TMEM178B: variants seen among roughly 807,000 people sequenced by gnomAD.
TMEM178B encodes transmembrane protein 178B.
TMEM178B carries 5 observed loss-of-function variants against 31.0 expected under a neutral mutation model. The ratio of observed to expected loss-of-function variants is 0.16; its 90% CI spans 0.08 to 0.34. The LOEUF is 0.34. Ranked by LOEUF, TMEM178B falls within the 10% of genes least tolerant of loss-of-function variation. The pLI, the probability that TMEM178B is intolerant of heterozygous loss-of-function variation, is 1.00. For synonymous variants in TMEM178B, 164 were observed against 164.0 expected, an observed-to-expected ratio of 1.00 and a Z score of 0.00; for missense variants, 275 against 400.3, an observed-to-expected ratio of 0.69 and a Z score of 2.67.
Position 141,425,841 on chromosome 7 carries a change from TGAG to T in TMEM178B, c.497-11758_497-11756del, listed in dbSNP as rs1161735138. Reference sequence around the variant, plus strand: ...CAATTCTCTGATCCGGAGGTAGGACTGAGGAGGAGGAAGTGTCAAGCCTGTCTT... The same window carrying T: ...CAATTCTCTGATCCGGAGGTAGGACTGAGGAGGAAGTGTCAAGCCTGTCTT... On this transcript the variant is annotated intron_variant, in intron 2 of 3. Transcript: ENST00000565468. Among the ~76,000 whole-genome samples the T allele has an allele frequency of 2.0e-5, 3 of 152,286 alleles. No homozygotes were observed. The East Asian group carries it at 5.8e-4, about 29-fold the overall frequency.
At chr7:141,360,189 G>A (rs1190366278) in intron 2 of TMEM178B, among the ~76,000 whole-genome samples, 1 of 152,150 alleles carries the variant, frequency 6.6e-6, no homozygotes. Flanking sequence ...GAAGCCACAT[G>A]ACCATGCCTT....
intron 2 of TMEM178B, among the ~76,000 whole-genome samples, chr7:141,236,336 G>A (rs1460557886): frequency 6.6e-6 from 1 of 152,192 alleles, no homozygotes; most frequent in African/African-American, 2.4e-5. Flanking sequence ...GAGAAAGCAG[G>A]TGCTTGTGTG....
At chr7:141,264,490 G>T (rs901278960) in intron 2 of TMEM178B, among the ~76,000 whole-genome samples, 11 of 152,234 alleles carry the variant, frequency 7.2e-5, no homozygotes, top group Admixed American at 1.3e-4. Context: ...GAGAACCACA[G>T]ATGAGGGAGG....
intron 1 of TMEM178B, among the ~76,000 whole-genome samples, chr7:141,176,236 T>A (rs1020767825): frequency 1.3e-5 from 2 of 152,228 alleles, no homozygotes; most frequent in Admixed American, 6.5e-5. Flanking sequence ...TTGTCATTGG[T>A]TCTGTTTATG....
intron 2 of TMEM178B, among the ~76,000 whole-genome samples, chr7:141,229,838 G>A (rs138225030): frequency 2.6e-4 from 39 of 151,972 alleles, no homozygotes; most frequent in African/African-American, 9.2e-4. Context: ...AATTCCCCAC[G>A]GTACACCAGC....
At chr7:141,169,151 G>C (rs1322135381) in intron 1 of TMEM178B, among the ~76,000 whole-genome samples, 1 of 152,148 alleles carries the variant, frequency 6.6e-6, no homozygotes, top group Non-Finnish European at 1.5e-5. Flanking sequence ...CTCGGGTATT[G>C]AGCCTAGTAC....
intron 2 of TMEM178B, among the ~76,000 whole-genome samples, chr7:141,268,440 A>C (rs1798128215): frequency 6.6e-6 from 1 of 152,254 alleles, no homozygotes; most frequent in Non-Finnish European, 1.5e-5. Flanking sequence ...CAGGTCATAC[A>C]CATCAATTTG....
Position 141,109,890 on chromosome 7 carries a change from A to G in TMEM178B, c.382+35198A>G, listed in dbSNP as rs1371340261. Among the ~76,000 whole-genome samples, 6 of 152,026 alleles carry G rather than the reference A, an allele frequency of 3.9e-5. No homozygotes were observed. The South Asian group carries it at 1.3e-3, about 32-fold the overall frequency. On this transcript the variant is annotated intron_variant, in intron 1 of 3. Coordinates refer to ENST00000565468, the MANE Select transcript of TMEM178B (RefSeq NM_001195278.2). ...AAGGAGTTCAAGGCTGCAGTGAGCT[A>G]TGATTGTGCCATGGCACTCCAGCCT...
intron 2 of TMEM178B, among the ~76,000 whole-genome samples, chr7:141,230,665 C>T (rs1428067271): frequency 6.6e-6 from 1 of 152,176 alleles, no homozygotes; most frequent in Admixed American, 6.5e-5. Context: ...GAGACAGAGC[C>T]TTGCTCTGTC....
Position 141,254,352 on chromosome 7 carries a change from G to C in TMEM178B, c.496+41648G>C, listed in dbSNP as rs144555591. On this transcript the variant is annotated intron_variant, in intron 2 of 3. Transcript: ENST00000565468. ...CCAGCTGCTTACAGGTGCTACTCAG[G>C]GTTCCCAGGAGAGCACCCCCTGCCC... 3.4e-3 allele frequency among the ~76,000 whole-genome samples: 515 copies of C among 152,214 alleles called. 1 individual carries two copies. Among genetic ancestry groups the C allele is most frequent in the Middle Eastern group, 0.017 (5 of 292 alleles).
intron 2 of TMEM178B, among the ~76,000 whole-genome samples, chr7:141,403,987 A>G (rs1800833705): frequency 6.6e-6 from 1 of 152,092 alleles, no homozygotes; most frequent in South Asian, 2.1e-4. Context: ...TGCCATAACC[A>G]CCTGTCATAT....
At chr7:141,327,035 A>G (rs887424836) in intron 2 of TMEM178B, among the ~76,000 whole-genome samples, 4 of 152,202 alleles carry the variant, frequency 2.6e-5, no homozygotes, top group Non-Finnish European at 4.4e-5. Context: ...AATTCTTTCC[A>G]TATGTCTCCC....
intron 1 of TMEM178B, among the ~76,000 whole-genome samples, chr7:141,163,630 T>C (rs1487997329): frequency 6.6e-6 from 1 of 151,628 alleles, no homozygotes; most frequent in Non-Finnish European, 1.5e-5. Context: ...TCCTCATGCC[T>C]CAGTCTGCCG....
chr7:141,362,866 A>G (rs190030750), intron 2 of TMEM178B, among the ~76,000 whole-genome samples: 26 of 152,338 alleles, frequency 1.7e-4, no homozygotes, highest in Non-Finnish European at 2.6e-4. Flanking sequence ...AGAGACACTC[A>G]GGGGTCAGTG....
At chr7:141,313,082 C>G (rs1402627575) in intron 2 of TMEM178B, among the ~76,000 whole-genome samples, 1 of 152,214 alleles carries the variant, frequency 6.6e-6, no homozygotes, top group Non-Finnish European at 1.5e-5. Context: ...TCAAATGCCT[C>G]TGACACAAAG....
At chr7:141,264,680 G>A (rs1798066307) in intron 2 of TMEM178B, among the ~76,000 whole-genome samples, 1 of 152,192 alleles carries the variant, frequency 6.6e-6, no homozygotes, top group African/African-American at 2.4e-5. Flanking sequence ...TTACACCAAG[G>A]ATAAATATAT....
intron 1 of TMEM178B, among the ~76,000 whole-genome samples, chr7:141,131,824 G>A (rs979812699): frequency 6.6e-6 from 1 of 152,122 alleles, no homozygotes; most frequent in Non-Finnish European, 1.5e-5. Context: ...CTAAAAGTGG[G>A]ATTATTTGGT....
At chr7:141,416,499 A>G (rs951176519) in intron 2 of TMEM178B, 4 of 152,388 alleles carry the variant, frequency 2.6e-5, no homozygotes, top group Admixed American at 6.5e-5. Flanking sequence ...CAGGCTGGCT[A>G]TCAATATATA....
intron 1 of TMEM178B, among the ~76,000 whole-genome samples, chr7:141,164,421 C>A (rs574918898): frequency 6.6e-6 from 1 of 152,276 alleles, no homozygotes; most frequent in South Asian, 2.1e-4. Context: ...GGAATTCTCA[C>A]CAACCAGTGA....
Sources: allele counts gnomAD v4.1 joint callset (sites outside exome capture counted in the v4.1 genomes callset), GRCh38; gene constraint gnomAD v4.1.1; transcripts MANE v1.5; gene names NCBI Gene and HGNC (gene_info 2026-07-23, HGNC 2026-07-21).